The following REDIC1 variants were observed in gnomAD, a reference collection of about 807,000 sequenced individuals.
The protein encoded by REDIC1 is HEI10 Interacting Protein 1.
At chr12:39,756,873 A>G in the REDIC1 span, 1 of 151,816 alleles carries the variant, frequency 6.6e-6, no homozygotes, top group East Asian at 1.9e-4. Context: ...TTAAATTATG[A>G]AAAAATAGTC....
At chr12:39,693,036 G>C in the REDIC1 span, among the ~76,000 whole-genome samples, 1 of 151,890 alleles carries the variant, frequency 6.6e-6, no homozygotes, top group East Asian at 1.9e-4. Context: ...AGGTTAATTG[G>C]CCATCAATGT....
At chr12:39,734,831 A>G in the REDIC1 span, among the ~76,000 whole-genome samples, 18 of 152,204 alleles carry the variant, frequency 1.2e-4, no homozygotes, top group African/African-American at 4.3e-4. Flanking sequence ...TTGCATTTCC[A>G]TAGGGATTTT....
At chr12:39,732,238 C>T in the REDIC1 span, among the ~76,000 whole-genome samples, 138 of 152,254 alleles carry the variant, frequency 9.1e-4, no homozygotes, top group Admixed American at 1.7e-3. Context: ...AAACCTGTTC[C>T]ATTTGACATA....
chr12:39,779,097 A>G, the REDIC1 span, among the ~76,000 whole-genome samples: 1 of 152,158 alleles, frequency 6.6e-6, no homozygotes, highest in African/African-American at 2.4e-5. Context: ...AAGGGCTGGC[A>G]TAAGTTGGAT....
At chr12:39,723,848 C>T in the REDIC1 span, among the ~76,000 whole-genome samples, 6 of 152,118 alleles carry the variant, frequency 3.9e-5, no homozygotes, top group Admixed American at 1.3e-4. Context: ...GCTATCTTTA[C>T]GGGTAGTTTC....
At chr12:39,784,222 T>G in the REDIC1 span, among the ~76,000 whole-genome samples, 1 of 152,142 alleles carries the variant, frequency 6.6e-6, no homozygotes. Flanking sequence ...TGGAAAAAAC[T>G]ACTTTAAAGT....
chr12:39,725,415 C>A, the REDIC1 span, among the ~76,000 whole-genome samples: 1 of 152,024 alleles, frequency 6.6e-6, no homozygotes, highest in Admixed American at 6.6e-5. Flanking sequence ...TTGATTGTAT[C>A]CCTGTTTGCT....
At chr12:39,784,405 C>G in the REDIC1 span, among the ~76,000 whole-genome samples, 3 of 152,048 alleles carry the variant, frequency 2.0e-5, no homozygotes, top group Non-Finnish European at 4.4e-5. Context: ...GAACAGAGCC[C>G]GCAGAAATAA....
chr12:39,750,958 C>A, the REDIC1 span, among the ~76,000 whole-genome samples: 1 of 151,976 alleles, frequency 6.6e-6, no homozygotes, highest in Non-Finnish European at 1.5e-5. Flanking sequence ...CCATAAAAAC[C>A]CTAGAAGAAA....
the REDIC1 span, among the ~76,000 whole-genome samples, chr12:39,820,841 G>A: frequency 7.6e-6 from 1 of 131,878 alleles, no homozygotes; most frequent in Non-Finnish European, 1.6e-5. Context: ...ATTTCCAAAT[G>A]CCTTGCCCTT....
chr12:39,708,824 T>C, the REDIC1 span, among the ~76,000 whole-genome samples: 1 of 151,884 alleles, frequency 6.6e-6, no homozygotes, highest in Non-Finnish European at 1.5e-5. Flanking sequence ...TTGCACTTTT[T>C]AAAAAGTTTT....
At chr12:39,738,534 G>C in the REDIC1 span, among the ~76,000 whole-genome samples, 1 of 152,130 alleles carries the variant, frequency 6.6e-6, no homozygotes, top group Non-Finnish European at 1.5e-5. Context: ...GTGATCAAAA[G>C]TTATGTTTGC....
chr12:39,699,121 A>T, the REDIC1 span, among the ~76,000 whole-genome samples: 1 of 152,188 alleles, frequency 6.6e-6, no homozygotes, highest in Non-Finnish European at 1.5e-5. Context: ...GATGTAAATA[A>T]ATAAAATCAG....
At chr12:39,710,478 C>T in the REDIC1 span, among the ~76,000 whole-genome samples, 2 of 151,680 alleles carry the variant, frequency 1.3e-5, no homozygotes, top group Admixed American at 1.3e-4. Flanking sequence ...GACTTGATTT[C>T]ATCATCTCAC....
chr12:39,843,038 C>T, the REDIC1 span, among the ~76,000 whole-genome samples: 2,767 of 151,914 alleles, frequency 0.018, 89 homozygotes, highest in African/African-American at 0.062. Flanking sequence ...GTTATTTCTA[C>T]GTTTTTTCGC....
chr12:39,819,453 T>G, the REDIC1 span, among the ~76,000 whole-genome samples: 1 of 152,172 alleles, frequency 6.6e-6, no homozygotes, highest in Non-Finnish European at 1.5e-5. Flanking sequence ...CATAGTTTAC[T>G]ACAAACTTTT....
At chr12:39,679,454 C>A in the REDIC1 span, among the ~76,000 whole-genome samples, 3,081 of 152,216 alleles carry the variant, frequency 0.02, 41 homozygotes, top group South Asian at 0.029. Context: ...TGAAAGATAT[C>A]TACAAGAAAA....
At chr12:39,764,420 A>G in the REDIC1 span, 2 of 1,486,994 alleles carry the variant, frequency 1.3e-6, no homozygotes, top group Non-Finnish European at 1.8e-6. Flanking sequence ...ATAGTGATAA[A>G]AATAAAAACA....
chr12:39,830,113 C>G, the REDIC1 span: 2 of 1,613,670 alleles, frequency 1.2e-6, no homozygotes, highest in Non-Finnish European at 1.7e-6. Flanking sequence ...CTGCCCCAGG[C>G]TGCCTCATTT....
Sources: gnomAD v4.1 joint callset for allele counts (sites outside exome capture counted in the v4.1 genomes callset) on GRCh38, gnomAD v4.1.1 for gene constraint, MANE v1.5 for transcripts, NCBI Gene and HGNC (gene_info 2026-07-23, HGNC 2026-07-21) for gene names.